The following ACBD6 variants were observed in gnomAD, a reference collection of about 807,000 sequenced individuals.
ACBD6 encodes acyl-CoA binding domain containing 6, also known as acyl-CoA-binding domain-containing protein 6.
Under a neutral mutation model 37.2 loss-of-function variants are expected in ACBD6, and 28 were observed. The observed-to-expected ratio is 0.75, with a 90% confidence interval of 0.56 to 1.03. The LOEUF (loss-of-function observed/expected upper bound fraction) is 1.03. ACBD6 is among the 50% of genes least tolerant of loss of function. The probability of loss-of-function intolerance (pLI) is 0.00; values close to 1 mark genes in which losing one functional copy is unlikely to be tolerated. For synonymous variants in ACBD6, 113 were observed against 126.8 expected (o/e 0.89, Z 0.73); for missense variants, 340 against 337.4 (o/e 1.01, Z -0.06).
At chr1:180,353,749 T>TA (rs1422325085) in intron 6 of ACBD6, among the ~76,000 whole-genome samples, 3 of 5,156 alleles carry the variant, frequency 5.8e-4, no homozygotes, top group Non-Finnish European at 3.8e-4. Flanking sequence ...TTGTGGTGGT[T>TA]AAAAAAATTC....
chr1:180,397,922 G>A (rs1017415198), intron 5 of ACBD6, among the ~76,000 whole-genome samples: 1 of 152,032 alleles, frequency 6.6e-6, no homozygotes, highest in Admixed American at 6.6e-5. Context: ...GCATGGTGAT[G>A]GGTGCTTGTA....
chr1:180,443,152 G>A (rs1186508328), intron 3 of ACBD6, among the ~76,000 whole-genome samples: 1 of 152,180 alleles, frequency 6.6e-6, no homozygotes, highest in Non-Finnish European at 1.5e-5. Context: ...GAATTAGTCT[G>A]ATCCTTTTGA....
chr1:180,476,507 T>C (rs1650792683), intron 3 of ACBD6, among the ~76,000 whole-genome samples: 1 of 151,894 alleles, frequency 6.6e-6, no homozygotes, highest in African/African-American at 2.4e-5. Context: ...CAAAAGAAAA[T>C]TTAAAAGTAC....
At position 180,395,102 on chromosome 1, in the gene ACBD6, C is replaced by G. The variant is rs535159711; in HGVS notation, c.663+2414G>C. 1.7e-4 allele frequency among the ~76,000 whole-genome samples: 26 copies of G among 152,290 alleles called. No individual in the cohort carries two copies. The South Asian group carries it at 5.2e-3, about 30-fold the overall frequency. On this transcript the variant is annotated intron_variant, in intron 6 of 7. Coordinates refer to ENST00000367595, the MANE Select transcript of ACBD6 (RefSeq NM_032360.4). ...AGAGAAACAGGAATTCTCTCACACA[C>G]TGCTGGTGGAAGTATAAATTGTTAC...
Position 180,502,342 on chromosome 1 carries a change from G to T in ACBD6, c.-76C>A. ...GGGTGTAAGGCCGGCTTGGAGGCCTGGCCCACCAGTCTGGGTCGCGAGCCT... is the reference window on the plus strand; with the variant it reads ...GGGTGTAAGGCCGGCTTGGAGGCCTTGCCCACCAGTCTGGGTCGCGAGCCT... On this transcript the variant is annotated 5_prime_UTR_variant, in exon 1 of 8. Coordinates refer to ENST00000367595, the MANE Select transcript of ACBD6 (RefSeq NM_032360.4). 1 of 1,511,628 alleles carries T rather than the reference G, an allele frequency of 6.6e-7. No homozygotes were observed. The highest frequency in any genetic ancestry group is 9.1e-7 in the Non-Finnish European group (1 of 1,101,498). The allele number at this position is 1,511,628 out of a possible 1,614,324, so 93.6% of individuals were successfully genotyped here.
At chr1:180,329,785 G>A (rs572967806) in intron 6 of ACBD6, among the ~76,000 whole-genome samples, 9 of 152,112 alleles carry the variant, frequency 5.9e-5, no homozygotes, top group East Asian at 5.8e-4. Flanking sequence ...TGCACACTTC[G>A]CCTTCTTGCC....
chr1:180,467,778 T>C (rs1461910849), intron 3 of ACBD6, among the ~76,000 whole-genome samples: 1 of 152,228 alleles, frequency 6.6e-6, no homozygotes, highest in Admixed American at 6.5e-5. Context: ...GGATAGTATT[T>C]CACTGTATGA....
chr1:180,282,724 G>A (rs1460618546), intron 8 of ACBD6, among the ~76,000 whole-genome samples: 1 of 152,052 alleles, frequency 6.6e-6, no homozygotes, highest in African/African-American at 2.4e-5. Context: ...CTACATTACT[G>A]GTGGGCCAGA....
chr1:180,364,027 T>A (rs139399306), intron 6 of ACBD6, among the ~76,000 whole-genome samples: 326 of 152,338 alleles, frequency 2.1e-3, no homozygotes, highest in Non-Finnish European at 4.0e-3. Context: ...TGTCTAAGCC[T>A]TTTTTCCTGC....
intron 7 of ACBD6, among the ~76,000 whole-genome samples, chr1:180,292,289 CT>C (rs1649740340): frequency 6.6e-6 from 1 of 152,182 alleles, no homozygotes; most frequent in African/African-American, 2.4e-5. Context: ...AATACTGAGT[CT>C]TTTGATCCAT....
At chr1:180,285,355 A>C (rs1649451853), downstream of ACBD6, among the ~76,000 whole-genome samples, 1 of 152,212 alleles carries the variant, frequency 6.6e-6, no homozygotes, top group Non-Finnish European at 1.5e-5. Context: ...TTGTCTCAAA[A>C]AAAAGTGAAA....
At chr1:180,475,327 T>C (rs770173853) in intron 3 of ACBD6, among the ~76,000 whole-genome samples, 1 of 152,248 alleles carries the variant, frequency 6.6e-6, no homozygotes, top group Non-Finnish European at 1.5e-5. Context: ...TCCTACTTTG[T>C]ATCCCCGGGC....
intron 7 of ACBD6, among the ~76,000 whole-genome samples, chr1:180,300,331 T>C (rs1247266991): frequency 6.6e-6 from 1 of 152,112 alleles, no homozygotes. Context: ...ATTAAGTGAT[T>C]AAATGAATAA....
chr1:180,428,395 T>C (rs867409930), intron 4 of ACBD6, among the ~76,000 whole-genome samples: 15 of 152,360 alleles, frequency 9.8e-5, no homozygotes, highest in South Asian at 8.3e-4. Context: ...GTGTGTTGAA[T>C]TGAATTTAAA....
intron 6 of ACBD6, among the ~76,000 whole-genome samples, chr1:180,367,054 A>G (rs1467584806): frequency 2.6e-5 from 4 of 152,252 alleles, no homozygotes; most frequent in African/African-American, 9.6e-5. Flanking sequence ...TGCTACACAG[A>G]TTCCTGTAAG....
rs554149606 is a variant in ACBD6, at chr1:180,486,289, T to A, written c.384+5980A>T. ...GAATCCAGCTAGGACCACCTGCTGGTCACAGCAGGGACACAAAAAAATCAA... is the reference window on the plus strand; with the variant it reads ...GAATCCAGCTAGGACCACCTGCTGGACACAGCAGGGACACAAAAAAATCAA... On this transcript the variant is annotated intron_variant, in intron 3 of 7. Coordinates refer to ENST00000367595, the MANE Select transcript of ACBD6 (RefSeq NM_032360.4). Among the ~76,000 whole-genome samples, 3 of 152,274 alleles carry A rather than the reference T, an allele frequency of 2.0e-5. No homozygotes were observed. The East Asian group carries it at 5.8e-4, about 29-fold the overall frequency.
intron 6 of ACBD6, among the ~76,000 whole-genome samples, chr1:180,379,986 G>C (rs561775222): frequency 6.6e-6 from 1 of 152,320 alleles, no homozygotes; most frequent in African/African-American, 2.4e-5. Flanking sequence ...GACAGGCCAA[G>C]CATAGTGGCT....
chr1:180,419,623 A>G (rs146449883), intron 4 of ACBD6, among the ~76,000 whole-genome samples: 401 of 152,366 alleles, frequency 2.6e-3, no homozygotes, highest in African/African-American at 9.4e-3. Context: ...AACTACTAGT[A>G]GGCTACTGTT....
At chr1:180,305,806 T>G (rs1422949205) in intron 7 of ACBD6, among the ~76,000 whole-genome samples, 2 of 152,134 alleles carry the variant, frequency 1.3e-5, no homozygotes, top group Admixed American at 6.6e-5. Flanking sequence ...TGCACATGTA[T>G]GTTTATTGCA....
Sources: gnomAD v4.1 joint callset for allele counts (sites outside exome capture counted in the v4.1 genomes callset) on GRCh38, gnomAD v4.1.1 for gene constraint, MANE v1.5 for transcripts, NCBI Gene and HGNC (gene_info 2026-07-23, HGNC 2026-07-21) for gene names.